Variants in KIF24 observed in about 807,000 individuals in gnomAD.
KIF24 encodes kinesin-like protein KIF24.
In KIF24, 81 loss-of-function variants were observed where a neutral mutation model predicts 118.9. The observed-to-expected ratio is 0.68, with a 90% CI of 0.57 to 0.82. The LOEUF (loss-of-function observed/expected upper bound fraction) is 0.82, where lower values mean the gene tolerates loss of function less well. Among genes scored for constraint, KIF24 ranks in the 40% least tolerant of loss-of-function variants. The pLI is 0.00. For synonymous variants in KIF24, 599 were observed against 610.0 expected, an observed-to-expected ratio of 0.98 and a Z score of 0.27; for missense variants, 1,560 against 1,661.6, an observed-to-expected ratio of 0.94 and a Z score of 1.06.
Position 34,311,342 on chromosome 9 carries a change from G to A in KIF24, c.5C>T (p.Ala2Val), listed in dbSNP as rs764291862. 21 of 1,557,314 alleles carry A rather than the reference G, an allele frequency of 1.3e-5. No individual in the cohort carries two copies. The highest frequency in any genetic ancestry group is 1.7e-5 in the Non-Finnish European group (20 of 1,152,168). M[A>V]SWLYECLCEA... ...ACAAAGACATTCATATAACCAGGAT[G>A]CCATTTTGGTGAATAGGTTTCTATA... The change falls in exon 2 of 13, where the codon GCA becomes GTA. Residue 2 changes from alanine to valine, a missense_variant. Physicochemically the swap from Ala to Val is moderately conservative, Grantham distance 64 (BLOSUM62 0). This residue lies in a region of KIF24 where 964 missense variants were observed against 988.0 expected (regional missense o/e 0.98). Transcript: ENST00000402558.
At chr9:34,268,799 C>G (rs574105808) in intron 8 of KIF24, among the ~76,000 whole-genome samples, 1 of 152,200 alleles carries the variant, frequency 6.6e-6, no homozygotes, top group Non-Finnish European at 1.5e-5. Context: ...TGAGCCACCG[C>G]TCCCAGCTGG....
chr9:34,311,624 A>T (rs1352499234), intron 1 of KIF24, among the ~76,000 whole-genome samples: 2 of 151,148 alleles, frequency 1.3e-5, no homozygotes, highest in South Asian at 2.1e-4. Flanking sequence ...AAAAAGAGAC[A>T]TTCCATTTTA....
chr9:34,314,587 G>A (rs932747825), intron 1 of KIF24, among the ~76,000 whole-genome samples: 2 of 152,136 alleles, frequency 1.3e-5, no homozygotes, highest in Non-Finnish European at 1.5e-5. Flanking sequence ...CTTCAGAAAA[G>A]TTCCCTAGGT....
chr9:34,322,094 G>A (rs1837543743), intron 1 of KIF24, among the ~76,000 whole-genome samples: 2 of 152,052 alleles, frequency 1.3e-5, no homozygotes, highest in Non-Finnish European at 2.9e-5. Context: ...AAAAAATTAG[G>A]AGCAATTAAA....
chr9:34,307,407 A>G (rs1192152432), intron 2 of KIF24, among the ~76,000 whole-genome samples: 3 of 152,126 alleles, frequency 2.0e-5, no homozygotes, highest in East Asian at 3.9e-4. Flanking sequence ...GGTTTAAAAA[A>G]AAAAAAACCA....
At chr9:34,290,760 G>A (rs959025470) in intron 4 of KIF24, among the ~76,000 whole-genome samples, 14 of 151,786 alleles carry the variant, frequency 9.2e-5, no homozygotes, top group African/African-American at 3.1e-4. Flanking sequence ...CCACCATACC[G>A]GGCTAATTTT....
At chr9:34,322,981 T>C (rs1312628832) in intron 1 of KIF24, among the ~76,000 whole-genome samples, 1 of 152,206 alleles carries the variant, frequency 6.6e-6, no homozygotes, top group Non-Finnish European at 1.5e-5. Flanking sequence ...TTCAGTATTA[T>C]CAGTGAGAGA....
rs2131665880 is a variant in KIF24, at chr9:34,257,628, T to A, written c.1979A>T (p.Lys660Ile). 6.2e-7 allele frequency: 1 copy of A among 1,614,066 alleles called. No individual in the cohort carries two copies. Among genetic ancestry groups the A allele is most frequent in the Admixed American group, 1.7e-5 (1 of 60,034 alleles). Reference sequence around the variant, plus strand: ...CAATGGTGCTGACTCTTCTGGCTTTTTTTTGGCCACATGTCCAGAGCGCAC... The same window carrying A: ...CAATGGTGCTGACTCTTCTGGCTTTATTTTGGCCACATGTCCAGAGCGCAC... ...GTVRSGHVAK[K>I]KPEESAPLCS... is the part of the protein sequence containing the mutation. The change falls in exon 11 of 13, where the codon AAA (lysine) becomes ATA (isoleucine). Residue 660 changes from lysine (K) to isoleucine (I), a missense_variant. By Grantham distance (102) the Lys-to-Ile change is moderately radical (BLOSUM62 -3). Around this residue, in one of 3 missense-constraint regions of KIF24, gnomAD observed 964 missense variants for 988.0 expected, o/e 0.98. Transcript: ENST00000402558.
At chr9:34,312,491 G>T (rs1017701736) in intron 1 of KIF24, among the ~76,000 whole-genome samples, 1 of 152,124 alleles carries the variant, frequency 6.6e-6, no homozygotes, top group East Asian at 1.9e-4. Flanking sequence ...CAAAAATTCA[G>T]TTAGGTAACT....
At chr9:34,307,710 C>G (rs548071040) in intron 2 of KIF24, among the ~76,000 whole-genome samples, 1 of 151,648 alleles carries the variant, frequency 6.6e-6, no homozygotes, top group African/African-American at 2.4e-5. Context: ...GTCAGGAGTT[C>G]GAGACCAGCC....
chr9:34,289,270 A>G (rs1468342451), intron 5 of KIF24, among the ~76,000 whole-genome samples: 2 of 152,140 alleles, frequency 1.3e-5, no homozygotes, highest in Non-Finnish European at 2.9e-5. Context: ...CTGCCCTATC[A>G]TGGTCTCCCT....
rs764532598 is a variant in KIF24 at position 34,255,068 on chromosome 9, T to A, written c.3966+4A>T. The stretch of plus-strand genomic sequence containing the variant: ...CCTGTGAGTGTCCAGCCAGGGCTAC[T>A]TACATTAGAAGCCAGCTGGCTCATC... On this transcript the variant is annotated splice_donor_region_variant and intron_variant, in intron 12 of 12. Transcript: ENST00000402558. The A allele has an allele frequency of 6.4e-7, 1 of 1,574,544 alleles. No individual in the cohort carries two copies. The highest frequency in any genetic ancestry group is 8.6e-7 in the Non-Finnish European group (1 of 1,157,118).
intron 5 of KIF24, among the ~76,000 whole-genome samples, chr9:34,287,619 G>A (rs953613951): frequency 1.3e-5 from 2 of 152,094 alleles, no homozygotes; most frequent in Admixed American, 6.5e-5. Context: ...TTTTTTCTCA[G>A]TCTATGCTTC....
At chr9:34,331,599 A>G (rs529911998), upstream of KIF24, among the ~76,000 whole-genome samples, 1 of 152,342 alleles carries the variant, frequency 6.6e-6, no homozygotes, top group East Asian at 1.9e-4. Flanking sequence ...CTGCAGAGGT[A>G]CCTATGGTAG....
rs1177153507 is a variant in KIF24 at position 34,252,910 on chromosome 9, G to T, written c.*1470C>A. On this transcript the variant is annotated 3_prime_UTR_variant, in exon 13 of 13. Transcript: ENST00000402558. ...ATTTAAACTGTTTCACCAGCTCTCAGTGGTGCTGTTGTATATGATGATAGA... is the reference window on the plus strand; with the variant it reads ...ATTTAAACTGTTTCACCAGCTCTCATTGGTGCTGTTGTATATGATGATAGA... 1 of 152,220 alleles carries T rather than the reference G, an allele frequency of 6.6e-6. No individual in the cohort carries two copies. Among genetic ancestry groups the T allele is most frequent in the African/African-American group, 2.4e-5 (1 of 41,462 alleles). The allele number at this position is 152,220 out of a possible 1,614,324, so 9.4% of individuals were successfully genotyped here.
In KIF24 at chr9:34,257,250, A is replaced by G. The variant is rs560228380; in HGVS notation, c.2357T>C (p.Leu786Pro). 1.9e-6 allele frequency: 3 copies of G among 1,613,962 alleles called. No individual in the cohort carries two copies. The African/African-American group carries it at 4.0e-5, about 22-fold the overall frequency. Residue 786 changes from leucine (L) to proline (P), a missense_variant, in exon 11 of 13, where the codon CTG (leucine) becomes CCG (proline). By Grantham distance (98) the Leu-to-Pro change is moderately conservative. Transcript: ENST00000402558. ...LLQQKLKYQP[L>P]KRSLRQYRPP... is the part of the protein sequence containing the mutation. The stretch of plus-strand genomic sequence containing the variant: ...CCTGTACTGGCGTAAAGACCTTTTC[A>G]GTGGTTGGTATTTTAACTTCTGTTG...
rs925211096 is a variant in KIF24, at chr9:34,253,007, T to C, written c.*1373A>G. 1 of 152,670 alleles carries C rather than the reference T, an allele frequency of 6.6e-6. No homozygotes were observed. Among genetic ancestry groups the C allele is most frequent in the Non-Finnish European group, 1.5e-5 (1 of 68,138 alleles). 9.5% of individuals were successfully genotyped at this position (152,670 alleles called of 1,614,324 possible). On this transcript the variant is annotated 3_prime_UTR_variant, in exon 13 of 13. Coordinates refer to ENST00000402558, the MANE Select transcript of KIF24 (RefSeq NM_194313.4). ...TACTGTGCCATTGTCCCACTTGAGC[T>C]TTTGGCTAGACTGGGTCTTTGAAGG...
intron 1 of KIF24, among the ~76,000 whole-genome samples, chr9:34,315,370 G>T (rs1194805660): frequency 1.3e-5 from 2 of 151,590 alleles, no homozygotes; most frequent in Admixed American, 6.6e-5. Flanking sequence ...TAACTATATT[G>T]CAATCTATGT....
rs763948914 is a variant in KIF24 at position 34,255,824 on chromosome 9, C to T, written c.3783G>A (p.Arg1261=). ...VTWLKPRPIS[R]CLARPSSPLV... ...AGGGAGAACTTGGCCTTGCTAAGCA[C>T]CTTGAGATCGGCCTGGGTTTGAGCC... Residue 1261 remains arginine (R), a synonymous_variant, in exon 11 of 13, where the codon AGG becomes AGA. Transcript: ENST00000402558. 3 of 1,613,974 alleles carry T rather than the reference C, an allele frequency of 1.9e-6. No individual in the cohort carries two copies. The highest frequency in any genetic ancestry group is 2.5e-6 in the Non-Finnish European group (3 of 1,179,872).
Sources: gnomAD v4.1 joint callset for allele counts (sites outside exome capture counted in the v4.1 genomes callset) on GRCh38, gnomAD v4.1.1 for gene constraint, gnomAD v4.1.1 regional missense constraint, MANE v1.5 for transcripts, NCBI Gene and HGNC (gene_info 2026-07-23, HGNC 2026-07-21) for gene names.